Variants in TMEM108 observed in about 807,000 individuals in gnomAD.
The protein encoded by TMEM108 is cancer/testis antigen 124.
In TMEM108, 12 loss-of-function variants were observed where a neutral mutation model predicts 35.1. That is an observed-to-expected ratio of 0.34 (90% CI 0.22 to 0.55). The LOEUF (loss-of-function observed/expected upper bound fraction) is 0.55, where lower values mean the gene tolerates loss of function less well. Among genes scored for constraint, TMEM108 ranks in the 20% least tolerant of loss-of-function variants. TMEM108 has a pLI of 0.89. For missense variants in TMEM108, 680 were observed against 753.3 expected (o/e 0.90, Z 1.14); for synonymous variants, 287 against 308.6 (o/e 0.93, Z 0.73).
rs139637943 is a variant in TMEM108 at position 133,309,936 on chromosome 3, G to A, written c.41-69816G>A. On this transcript the variant is annotated intron_variant, in intron 3 of 5. Coordinates refer to ENST00000321871, the MANE Select transcript of TMEM108 (RefSeq NM_023943.4). ...GGGATGGTCTCGATCTCCTGACCTC[G>A]TGATCCACCCTCCTCGGCCTCCCAA... Among the ~76,000 whole-genome samples the A allele has an allele frequency of 4.1e-3, 618 of 152,070 alleles. 8 individuals carry two copies. The highest frequency in any genetic ancestry group is 0.013 in the African/African-American group (519 of 41,474).
intron 2 of TMEM108, among the ~76,000 whole-genome samples, chr3:133,226,049 A>C (rs1036943571): frequency 6.6e-6 from 1 of 152,230 alleles, no homozygotes; most frequent in Non-Finnish European, 1.5e-5. Context: ...TAGAAAGGTG[A>C]GACAACTCAA....
intron 2 of TMEM108, among the ~76,000 whole-genome samples, chr3:133,155,400 T>C (rs1944866340): frequency 6.6e-6 from 1 of 152,190 alleles, no homozygotes; most frequent in African/African-American, 2.4e-5. Flanking sequence ...CTGGGTCGAA[T>C]GGTAGTTCTG....
intron 2 of TMEM108, among the ~76,000 whole-genome samples, chr3:133,177,412 C>T (rs1156781334): frequency 1.3e-5 from 2 of 152,174 alleles, no homozygotes; most frequent in Non-Finnish European, 2.9e-5. Context: ...TGCAAAAAAT[C>T]CTCAATAAAA....
rs1451750078 is a variant in TMEM108 at position 133,380,751 on chromosome 3, C to G, written c.1040C>G (p.Ser347Cys). ...ACCCCTGGCACCAGCAGACCTCTGT[C>G]TACCAGCTCTGGGGTCTTCACGGCT... The part of the protein sequence containing the change: ...TVTPGTSRPL[S>C]TSSGVFTAAT... The change falls in exon 4 of 6, where the codon TCT becomes TGT. Residue 347 changes from serine to cysteine, a missense_variant. Around this residue, in one of 3 missense-constraint regions of TMEM108, gnomAD observed 526 missense variants for 532.1 expected, o/e 0.99. Transcript: ENST00000321871. The surrounding 1 kb of genome is among the most constrained non-coding windows in gnomAD (Gnocchi z 5.3). 10 of 1,614,052 alleles carry G rather than the reference C, an allele frequency of 6.2e-6. No homozygotes were observed. Among genetic ancestry groups the G allele is most frequent in the Non-Finnish European group, 8.5e-6 (10 of 1,180,032 alleles).
At chr3:133,315,920 T>C (rs759661450) in intron 3 of TMEM108, among the ~76,000 whole-genome samples, 67 of 152,222 alleles carry the variant, frequency 4.4e-4, no homozygotes, top group Non-Finnish European at 9.1e-4. Context: ...ATAAAAAGCA[T>C]GTATACATAC....
At chr3:133,163,152 A>C (rs1208424379) in intron 2 of TMEM108, among the ~76,000 whole-genome samples, 1 of 152,190 alleles carries the variant, frequency 6.6e-6, no homozygotes, top group African/African-American at 2.4e-5. Context: ...AGAGCTACAC[A>C]TAAATATTCA....
intron 3 of TMEM108, among the ~76,000 whole-genome samples, chr3:133,287,156 C>G (rs1203181158): frequency 6.6e-6 from 1 of 152,066 alleles, no homozygotes; most frequent in Non-Finnish European, 1.5e-5. Flanking sequence ...TTTTGGTATT[C>G]TTAATAACTC....
chr3:133,184,453 G>A (rs796467826), intron 2 of TMEM108, among the ~76,000 whole-genome samples: 4 of 152,090 alleles, frequency 2.6e-5, no homozygotes, highest in African/African-American at 9.6e-5. Flanking sequence ...TCTTTACTGG[G>A]CAAAGAACTC....
intron 2 of TMEM108, among the ~76,000 whole-genome samples, chr3:133,080,480 A>C (rs1338290232): frequency 6.6e-6 from 1 of 152,226 alleles, no homozygotes; most frequent in Non-Finnish European, 1.5e-5. Context: ...TCAAGGAAGG[A>C]ATGCTTTGTC....
intron 2 of TMEM108, among the ~76,000 whole-genome samples, chr3:133,140,309 A>G (rs1388231439): frequency 6.6e-6 from 1 of 152,166 alleles, no homozygotes; most frequent in African/African-American, 2.4e-5. Context: ...CTCTTCTATT[A>G]TCTCCTACGA....
intron 2 of TMEM108, among the ~76,000 whole-genome samples, chr3:133,097,634 AC>A (rs564307123): frequency 4.6e-5 from 7 of 152,340 alleles, no homozygotes; most frequent in Non-Finnish European, 1.0e-4. Context: ...TATATTGACT[AC>A]TACCTATTTT....
At chr3:133,200,284 C>A (rs950341352) in intron 2 of TMEM108, among the ~76,000 whole-genome samples, 2 of 152,172 alleles carry the variant, frequency 1.3e-5, no homozygotes, top group Non-Finnish European at 2.9e-5. Flanking sequence ...CTGCACCCAC[C>A]GTCCAACAAG....
intron 2 of TMEM108, among the ~76,000 whole-genome samples, chr3:133,104,744 T>G (rs1005149900): frequency 1.1e-4 from 16 of 152,222 alleles, no homozygotes; most frequent in African/African-American, 3.6e-4. Context: ...AAACTCTCAG[T>G]GTTCTCTAGC....
At chr3:133,384,171 C>G (rs1347062314) in intron 4 of TMEM108, among the ~76,000 whole-genome samples, 1 of 152,238 alleles carries the variant, frequency 6.6e-6, no homozygotes, top group Non-Finnish European at 1.5e-5. Context: ...TATCTTAAAG[C>G]TACTCTACAG....
chr3:133,337,917 G>A (rs1471929857), intron 3 of TMEM108, among the ~76,000 whole-genome samples: 4 of 152,242 alleles, frequency 2.6e-5, no homozygotes, highest in Non-Finnish European at 5.9e-5. Flanking sequence ...TTGACATGCT[G>A]AAGAATGTAT....
Position 133,369,257 on chromosome 3 carries a change from T to A in TMEM108, c.41-10495T>A, listed in dbSNP as rs147687881. Among the ~76,000 whole-genome samples, 629 of 152,264 alleles carry A rather than the reference T, an allele frequency of 4.1e-3. 5 individuals carry two copies. Among genetic ancestry groups the A allele is most frequent in the African/African-American group, 0.015 (614 of 41,524 alleles). Reference sequence around the variant, plus strand: ...TTTCTACCTGGGGAGTTGAGGGACCTTGACCTTGCCAAGACAAAGAGACAG... The same window carrying A: ...TTTCTACCTGGGGAGTTGAGGGACCATGACCTTGCCAAGACAAAGAGACAG... On this transcript the variant is annotated intron_variant, in intron 3 of 5. Coordinates refer to ENST00000321871, the MANE Select transcript of TMEM108 (RefSeq NM_023943.4).
intron 2 of TMEM108, among the ~76,000 whole-genome samples, 158 bp from the exon 3 acceptor site, chr3:133,229,108 C>A (rs113734765): frequency 1.3e-5 from 2 of 152,134 alleles, no homozygotes; most frequent in Admixed American, 6.5e-5. Context: ...ATAACATACA[C>A]CATTGTAAAT....
At chr3:133,078,140 A>AGTGTGTGTGTGTGTGTGT (rs745912251) in intron 2 of TMEM108, among the ~76,000 whole-genome samples, 27 of 106,248 alleles carry the variant, frequency 2.5e-4, no homozygotes, top group African/African-American at 5.9e-4. Flanking sequence ...TATGGAGCTC[A>AGTGTGTGTGTGTGTGTGT]GTGTGTGTGT....
intron 3 of TMEM108, among the ~76,000 whole-genome samples, chr3:133,376,727 T>C (rs1361193988): frequency 1.3e-5 from 2 of 152,192 alleles, no homozygotes; most frequent in Non-Finnish European, 2.9e-5. Context: ...TGCCCTCAGA[T>C]TGGTTTTCCC....
Sources: allele counts gnomAD v4.1 joint callset (sites outside exome capture counted in the v4.1 genomes callset), GRCh38; gene constraint gnomAD v4.1.1; regional missense constraint gnomAD v4.1.1; non-coding constraint Gnocchi (gnomAD v3.1); transcripts MANE v1.5; gene names NCBI Gene and HGNC (gene_info 2026-07-23, HGNC 2026-07-21).